The following LPP variants were observed in gnomAD, a reference collection of about 807,000 sequenced individuals.
LPP encodes lipoma-preferred partner.
LPP carries 38 observed loss-of-function variants against 60.4 expected under a neutral mutation model. The ratio of observed to expected loss-of-function variants is 0.63; its 90% CI spans 0.49 to 0.83. The LOEUF (loss-of-function observed/expected upper bound fraction) is 0.83, where lower values mean the gene tolerates loss of function less well. Among genes scored for constraint, LPP ranks in the 40% least tolerant of loss-of-function variants. The pLI is 0.00. For missense variants in LPP, 902 were observed against 783.6 expected (o/e 1.15, Z -1.80); for synonymous variants, 328 against 290.8 (o/e 1.13, Z -1.30).
chr3:188,769,025 G>A (rs775271200), intron 9 of LPP, among the ~76,000 whole-genome samples: 6 of 152,074 alleles, frequency 3.9e-5, no homozygotes, highest in Non-Finnish European at 7.4e-5. Context: ...TGAAAGTTTA[G>A]TAAGCTGACA....
At chr3:188,524,929 T>TC (rs2150191900) in intron 6 of LPP, 142 bp downstream of exon 6, 1 of 662,574 alleles carries the variant, frequency 1.5e-6, no homozygotes, top group Non-Finnish European at 2.4e-6. Flanking sequence ...CCTTCCTTCC[T>TC]TCCTTCCTTC....
rs530320332 is a variant in LPP, at chr3:188,303,680, T to TG, written c.-66-37982dup. On this transcript the variant is annotated intron_variant, in intron 2 of 11. Transcript: ENST00000617246. ...CAAATAGGATAAGAAGCAGGGCACT[T>TG]GTGGTGAATAATGAGGAGATCAGAT... 1.8e-3 allele frequency among the ~76,000 whole-genome samples: 278 copies of TG among 152,234 alleles called. 1 individual carries two copies. Among genetic ancestry groups the TG allele is most frequent in the African/African-American group, 6.2e-3 (258 of 41,534 alleles).
chr3:188,354,250 C>T (rs60893700), intron 3 of LPP, among the ~76,000 whole-genome samples: 7 of 151,926 alleles, frequency 4.6e-5, no homozygotes, highest in African/African-American at 1.2e-4. Context: ...AATTTCAGTA[C>T]GGAGGCAAAG....
intron 4 of LPP, among the ~76,000 whole-genome samples, chr3:188,411,537 T>G (rs1053882865): frequency 6.6e-6 from 1 of 152,208 alleles, no homozygotes; most frequent in African/African-American, 2.4e-5. Context: ...TATTTTGGTA[T>G]ATATTTATGA....
intron 1 of LPP, among the ~76,000 whole-genome samples, chr3:188,206,417 A>G (rs567379765): frequency 6.6e-6 from 1 of 152,320 alleles, no homozygotes; most frequent in African/African-American, 2.4e-5. Flanking sequence ...GTTTGAAATT[A>G]TAGCTAGTAT....
At chr3:188,241,405 C>G (rs1355571197) in intron 2 of LPP, among the ~76,000 whole-genome samples, 1 of 152,220 alleles carries the variant, frequency 6.6e-6, no homozygotes, top group African/African-American at 2.4e-5. Flanking sequence ...AAGCATCTCC[C>G]TACTCGTTCC....
At chr3:188,719,451 A>G (rs977486775) in intron 8 of LPP, among the ~76,000 whole-genome samples, 1 of 152,250 alleles carries the variant, frequency 6.6e-6, no homozygotes, top group African/African-American at 2.4e-5. Context: ...GCAGACATCC[A>G]GTCATTCAGC....
chr3:188,199,350 G>T (rs557738785), intron 1 of LPP, among the ~76,000 whole-genome samples: 24 of 152,250 alleles, frequency 1.6e-4, no homozygotes, highest in Non-Finnish European at 3.4e-4. Context: ...TTTACATCTT[G>T]GTGGGGTGGC....
intron 9 of LPP, among the ~76,000 whole-genome samples, chr3:188,797,496 T>G: frequency 6.6e-6 from 1 of 152,202 alleles, no homozygotes; most frequent in African/African-American, 2.4e-5. Flanking sequence ...GATCAAAGCC[T>G]TGCCTCTGAC....
chr3:188,167,712 T>C (rs1253182288), intron 1 of LPP, among the ~76,000 whole-genome samples: 1 of 151,676 alleles, frequency 6.6e-6, no homozygotes, highest in Non-Finnish European at 1.5e-5. Flanking sequence ...ACTGGCTAAA[T>C]ATGTTTTAAG....
At chr3:188,565,729 T>C (rs1177369448) in intron 6 of LPP, among the ~76,000 whole-genome samples, 1 of 152,036 alleles carries the variant, frequency 6.6e-6, no homozygotes, top group Admixed American at 6.6e-5. Context: ...CCAAATAGAA[T>C]GAAGACATAT....
At chr3:188,735,465 T>C (rs886172426) in intron 8 of LPP, among the ~76,000 whole-genome samples, 1 of 152,100 alleles carries the variant, frequency 6.6e-6, no homozygotes, top group Admixed American at 6.6e-5. Context: ...CACTGCAACC[T>C]CTGCCTCCTG....
At chr3:188,577,391 A>G (rs898497458) in intron 6 of LPP, among the ~76,000 whole-genome samples, 7 of 152,088 alleles carry the variant, frequency 4.6e-5, no homozygotes, top group Non-Finnish European at 1.0e-4. Flanking sequence ...TACATATAGA[A>G]GTACATGTGT....
chr3:188,818,902 G>A (rs16863620), intron 9 of LPP, among the ~76,000 whole-genome samples: 37,042 of 151,912 alleles, frequency 0.24, 6,080 homozygotes, highest in East Asian at 0.8. Context: ...ACTTAACTTT[G>A]GCTGTTGGAA....
intron 4 of LPP, among the ~76,000 whole-genome samples, chr3:188,445,266 A>G (rs1316109149): frequency 2.0e-5 from 3 of 152,232 alleles, no homozygotes; most frequent in Non-Finnish European, 4.4e-5. Flanking sequence ...TAGACTGGAT[A>G]AAGAAAATGT....
Position 188,827,690 on chromosome 3 carries a change from G to A in LPP, c.1411-38510G>A, listed in dbSNP as rs991347938. Among the ~76,000 whole-genome samples the A allele has an allele frequency of 2.0e-5, 3 of 152,084 alleles. No individual in the cohort carries two copies. The South Asian group carries it at 6.2e-4, about 32-fold the overall frequency. On this transcript the variant is annotated intron_variant, in intron 9 of 11. Coordinates refer to ENST00000617246, the MANE Select transcript of LPP (RefSeq NM_001375462.1). Reference sequence around the variant, plus strand: ...AAGGAGATGAAGGCCAGAGCCAAATGGTGGGGGCAGGGGTAGGGGGAAGAT... The same window carrying A: ...AAGGAGATGAAGGCCAGAGCCAAATAGTGGGGGCAGGGGTAGGGGGAAGAT...
intron 1 of LPP, among the ~76,000 whole-genome samples, chr3:188,187,465 T>C (rs990133428): frequency 6.7e-6 from 1 of 148,208 alleles, no homozygotes; most frequent in Non-Finnish European, 1.5e-5. Context: ...ATAAATAAGC[T>C]TCTTATTATA....
At chr3:188,330,574 T>G (rs1399373918) in intron 2 of LPP, among the ~76,000 whole-genome samples, 1 of 152,166 alleles carries the variant, frequency 6.6e-6, no homozygotes, top group Non-Finnish European at 1.5e-5. Context: ...CTGAATGAGC[T>G]CTTCCTCAAT....
At position 188,609,228 on chromosome 3, in the gene LPP, T is replaced by C. The variant is rs200177439; in HGVS notation, c.497T>C (p.Ile166Thr). The change falls in exon 7 of 12, where the codon ATC becomes ACC. Residue 166 changes from isoleucine to threonine, a missense_variant. Coordinates refer to ENST00000617246, the MANE Select transcript of LPP (RefSeq NM_001375462.1). The surrounding 1 kb of genome is among the most constrained non-coding windows in gnomAD (Gnocchi z 6.9). ...GTCACAGGACACAAGAGAATGGTCA[T>C]CCCGAACCAACCCCCTCTAACAGCA... Reference protein sequence around the residue: ...TPVTGHKRMVIPNQPPLTATK... With the variant: ...TPVTGHKRMVTPNQPPLTATK... 5 of 1,613,984 alleles carry C rather than the reference T, an allele frequency of 3.1e-6. No individual in the cohort carries two copies. In the South Asian group the frequency reaches 5.5e-5, roughly 18 times the overall value.
Sources: allele counts gnomAD v4.1 joint callset (sites outside exome capture counted in the v4.1 genomes callset), GRCh38; gene constraint gnomAD v4.1.1; non-coding constraint Gnocchi (gnomAD v3.1); transcripts MANE v1.5; gene names NCBI Gene and HGNC (gene_info 2026-07-23, HGNC 2026-07-21).